The following ADAT1 variants were observed in gnomAD, a reference collection of about 807,000 sequenced individuals.
ADAT1 encodes tRNA-specific adenosine deaminase 1.
A neutral mutation model predicts 58.6 loss-of-function variants in ADAT1; 58 were observed. The observed-to-expected ratio is 0.99, with a 90% CI of 0.80 to 1.23. ADAT1 has a LOEUF of 1.23. ADAT1 is among the 50% of genes most tolerant of loss of function. The pLI, the probability that ADAT1 is intolerant of heterozygous loss-of-function variation, is 0.00. For synonymous variants in ADAT1, 254 were observed against 220.8 expected (o/e 1.15, Z -1.33); for missense variants, 741 against 608.6 (o/e 1.22, Z -2.29).
In ADAT1 at chr16:75,598,290, G is replaced by A; in HGVS notation, c.*1926C>T. On this transcript the variant is annotated 3_prime_UTR_variant, in exon 10 of 10. Coordinates refer to ENST00000564657, the MANE Select transcript of ADAT1 (RefSeq NM_001324445.2). ...GGGGCTTCACCATGTTGGCCAGGAT[G>A]GTCTTGATCTCCTGACGTCGTGATC... is the stretch of plus-strand genomic sequence containing the variant. The A allele has an allele frequency of 3.1e-6, 1 of 326,380 alleles. No individual in the cohort carries two copies. Among genetic ancestry groups the A allele is most frequent in the Non-Finnish European group, 6.2e-6 (1 of 162,046 alleles). 20.2% of individuals were successfully genotyped at this position (326,380 alleles called of 1,614,324 possible).
At chr16:75,605,526 T>G (rs1213984472) in intron 8 of ADAT1, among the ~76,000 whole-genome samples, 1 of 152,184 alleles carries the variant, frequency 6.6e-6, no homozygotes, top group Non-Finnish European at 1.5e-5. Flanking sequence ...AGGCTTGATG[T>G]TTTTGCAGAG....
At position 75,600,040 on chromosome 16, in the gene ADAT1, C is replaced by A. The variant is rs950423256; in HGVS notation, c.*176G>T. ...GAGATGCCATTTTAGCAGAGAGCTA[C>A]TTCAATCAAGTATAGCTTGCTCTAA... On this transcript the variant is annotated 3_prime_UTR_variant, in exon 10 of 10. Coordinates refer to ENST00000564657, the MANE Select transcript of ADAT1 (RefSeq NM_001324445.2). The A allele has an allele frequency of 1.4e-6, 2 of 1,440,762 alleles. No individual in the cohort carries two copies. Among genetic ancestry groups the A allele is most frequent in the Non-Finnish European group, 1.8e-6 (2 of 1,094,372 alleles). The allele number at this position is 1,440,762 out of a possible 1,614,324, so 89.2% of individuals were successfully genotyped here. A position where few individuals can be genotyped will look rare whatever the true frequency, so the allele number is the denominator to read the frequency against.
At position 75,618,635 on chromosome 16, in the gene ADAT1, T is replaced by C. The variant is rs1209974401; in HGVS notation, c.244A>G (p.Ile82Val). ...ACCTCAGCATGGCTATCATTGAGGA[T>C]GTCTCCTGCGGCAAAGATAGGACAC... ...GQSKMRKNGD[I>V]LNDSHAEVIA... Residue 82 changes from isoleucine to valine, a missense_variant, in exon 4 of 10, where the codon ATC becomes GTC. Physicochemically the swap from Ile to Val is conservative, Grantham distance 29. Transcript: ENST00000564657. The C allele has an allele frequency of 1.5e-5, 24 of 1,612,730 alleles. No individual in the cohort carries two copies. The highest frequency in any genetic ancestry group is 1.9e-5 in the Non-Finnish European group (23 of 1,179,538).
At chr16:75,600,404 G>A (rs1361071302) in intron 9 of ADAT1, 56 bp from the exon 10 acceptor site, 2 of 1,597,522 alleles carry the variant, frequency 1.3e-6, no homozygotes, top group Non-Finnish European at 1.7e-6. Flanking sequence ...CCACCCCAGG[G>A]GCCACCAGAC....
At chr16:75,619,472 G>A (rs2081857528) in intron 3 of ADAT1, among the ~76,000 whole-genome samples, 1 of 152,006 alleles carries the variant, frequency 6.6e-6, no homozygotes, top group South Asian at 2.1e-4. Flanking sequence ...AGGAGTTCAA[G>A]GCTGCAGTGA....
Position 75,600,027 on chromosome 16 carries a change from T to A in ADAT1, c.*189A>T. ...TGAGGTCATTAGTGAGATGCCATTT[T>A]AGCAGAGAGCTACTTCAATCAAGTA... On this transcript the variant is annotated 3_prime_UTR_variant, in exon 10 of 10. Coordinates refer to ENST00000564657, the MANE Select transcript of ADAT1 (RefSeq NM_001324445.2). The A allele has an allele frequency of 7.1e-7, 1 of 1,401,384 alleles. No homozygotes were observed. The highest frequency in any genetic ancestry group is 9.3e-7 in the Non-Finnish European group (1 of 1,075,162). The allele number at this position is 1,401,384 out of a possible 1,614,324, so 86.8% of individuals were successfully genotyped here. A position where few individuals can be genotyped will look rare whatever the true frequency, so the allele number is the denominator to read the frequency against.
Position 75,600,159 on chromosome 16 carries a change from C to T in ADAT1, c.*57G>A, listed in dbSNP as rs533140643. ...ACCAAAAAAGCTAAGACTTGTCCTG[C>T]GTGGAGGAAGGCAGTTCAGGATGAA... is the stretch of plus-strand genomic sequence containing the variant. On this transcript the variant is annotated 3_prime_UTR_variant, in exon 10 of 10. Coordinates refer to ENST00000564657, the MANE Select transcript of ADAT1 (RefSeq NM_001324445.2). 49 of 1,603,940 alleles carry T rather than the reference C, an allele frequency of 3.1e-5. No individual in the cohort carries two copies. In the Admixed American group the frequency reaches 4.9e-4, roughly 16 times the overall value.
chr16:75,600,640 G>C (rs748501869), intron 9 of ADAT1, among the ~76,000 whole-genome samples: 10 of 152,298 alleles, frequency 6.6e-5, no homozygotes, highest in Admixed American at 2.6e-4. Context: ...TTATCTAACA[G>C]CTACTGAACC....
intron 4 of ADAT1, among the ~76,000 whole-genome samples, chr16:75,618,154 TA>T (rs2081800831): frequency 7.1e-6 from 1 of 140,214 alleles, no homozygotes; most frequent in Non-Finnish European, 1.6e-5. Flanking sequence ...ACCACATTAC[TA>T]CTCAAAAGTG....
chr16:75,614,020 T>C (rs917347061), intron 5 of ADAT1, among the ~76,000 whole-genome samples: 2 of 152,012 alleles, frequency 1.3e-5, no homozygotes, highest in Admixed American at 6.6e-5. Context: ...TGAAACCCTG[T>C]CTCTACTAAG....
intron 4 of ADAT1, among the ~76,000 whole-genome samples, chr16:75,618,065 T>C (rs1178610185): frequency 7.9e-6 from 1 of 126,226 alleles, no homozygotes; most frequent in African/African-American, 3.1e-5. Flanking sequence ...ATCACTGCAC[T>C]CTAGCCTAGG....
rs762274294 is a variant in ADAT1 at position 75,620,619 on chromosome 16, A to G, written c.169+12T>C. 4 of 1,611,992 alleles carry G rather than the reference A, an allele frequency of 2.5e-6. No homozygotes were observed. In the South Asian group the frequency reaches 3.3e-5, roughly 13 times the overall value. On this transcript the variant is annotated intron_variant, in intron 2 of 9. Transcript: ENST00000564657. ...TCACAGTGAGGAGCATGCCAAGAAG[A>G]AAAAGTCTCACCTTGCACCGGCTTA... is the stretch of plus-strand genomic sequence containing the variant.
At chr16:75,620,940 G>A (rs2081915202) in intron 1 of ADAT1, 120 bp from the exon 2 acceptor site, 2 of 710,694 alleles carry the variant, frequency 2.8e-6, no homozygotes, top group East Asian at 5.9e-5. Flanking sequence ...TCCCTATCTG[G>A]AACTCTATGG....
chr16:75,599,539 C>T lies in ADAT1; in HGVS notation c.*677G>A, dbSNP rs563840259. On this transcript the variant is annotated 3_prime_UTR_variant, in exon 10 of 10. Coordinates refer to ENST00000564657, the MANE Select transcript of ADAT1 (RefSeq NM_001324445.2). Reference sequence around the variant, plus strand: ...TTCTCTTGGCTGTTTCCTTTGTTGCCTTCATTCTTTGCTGGCTTTCTCTAG... The same window carrying T: ...TTCTCTTGGCTGTTTCCTTTGTTGCTTTCATTCTTTGCTGGCTTTCTCTAG... 89 of 985,888 alleles carry T rather than the reference C, an allele frequency of 9.0e-5. No individual in the cohort carries two copies. The Middle Eastern group carries it at 5.7e-3, about 64-fold the overall frequency. 61.1% of individuals were successfully genotyped at this position (985,888 alleles called of 1,614,324 possible).
intron 1 of ADAT1, among the ~76,000 whole-genome samples, chr16:75,621,937 CAGGAGTTCGA>C (rs1247994095): frequency 1.3e-5 from 2 of 152,164 alleles, no homozygotes; most frequent in African/African-American, 4.8e-5. Flanking sequence ...CACCTGAGGT[CAGGAGTTCGA>C]GGCCAGCCTG....
chr16:75,601,035 C>CT, intron 9 of ADAT1, among the ~76,000 whole-genome samples: 1 of 152,200 alleles, frequency 6.6e-6, no homozygotes, highest in South Asian at 2.1e-4. Flanking sequence ...CAACTGTCTA[C>CT]TTTTTTGGTT....
In ADAT1 at chr16:75,598,956, T is replaced by C; in HGVS notation, c.*1260A>G. ...ATAAGGACCTTGAGTAACCCCAACA[T>C]GGGAGCTTCCATTTTCAGTCAATCA... On this transcript the variant is annotated 3_prime_UTR_variant, in exon 10 of 10. Transcript: ENST00000564657. 3 of 985,326 alleles carry C rather than the reference T, an allele frequency of 3.0e-6. No homozygotes were observed. Among genetic ancestry groups the C allele is most frequent in the Non-Finnish European group, 3.6e-6 (3 of 829,932 alleles). The allele number at this position is 985,326 out of a possible 1,614,324, so 61.0% of individuals were successfully genotyped here.
chr16:75,617,405 C>A (rs2081769058), intron 4 of ADAT1, 133 bp from the exon 5 acceptor site: 3 of 947,224 alleles, frequency 3.2e-6, no homozygotes, highest in Middle Eastern at 2.3e-4. Context: ...TATGAGAATG[C>A]TCTAGACCAG....
rs1443851877 is a variant in ADAT1, at chr16:75,620,293, T to C, written c.211A>G (p.Ile71Val). 6 of 1,614,088 alleles carry C rather than the reference T, an allele frequency of 3.7e-6. No homozygotes were observed. The highest frequency in any genetic ancestry group is 4.2e-6 in the Non-Finnish European group (5 of 1,180,016). The part of the protein sequence containing the change: ...VVSMGTGTKC[I>V]GQSKMRKNGD... Reference sequence around the variant, plus strand: ...TTCTTCCTCATTTTGGACTGTCCTATGCATTTTGTTCCTGTTCCCATTGAC... The same window carrying C: ...TTCTTCCTCATTTTGGACTGTCCTACGCATTTTGTTCCTGTTCCCATTGAC... The change falls in exon 3 of 10, where the codon ATA becomes GTA. Residue 71 changes from isoleucine to valine, a missense_variant. By Grantham distance (29) the Ile-to-Val change is conservative. Coordinates refer to ENST00000564657, the MANE Select transcript of ADAT1 (RefSeq NM_001324445.2).
Sources: gnomAD v4.1 joint callset for allele counts (sites outside exome capture counted in the v4.1 genomes callset) on GRCh38, gnomAD v4.1.1 for gene constraint, MANE v1.5 for transcripts, NCBI Gene and HGNC (gene_info 2026-07-23, HGNC 2026-07-21) for gene names.